Variants in VPS13B observed in about 807,000 individuals in gnomAD.
The protein encoded by VPS13B is vacuolar protein sorting 13 homolog B.
In VPS13B, 285 loss-of-function variants were observed where a neutral mutation model predicts 426.4. The ratio of observed to expected loss-of-function variants is 0.67; its 90% CI spans 0.61 to 0.74. The LOEUF is 0.74. VPS13B is among the 30% of genes least tolerant of loss of function. VPS13B has a pLI of 0.00. For synonymous variants in VPS13B, 1,676 were observed against 1,676.4 expected, an observed-to-expected ratio of 1.00 and a Z score of 0.01; for missense variants, 4,537 against 4,782.6, an observed-to-expected ratio of 0.95 and a Z score of 1.51.
chr8:99,342,358 T>A (rs1159561758), intron 19 of VPS13B, among the ~76,000 whole-genome samples: 1 of 152,228 alleles, frequency 6.6e-6, no homozygotes, highest in Non-Finnish European at 1.5e-5. Flanking sequence ...CTCCTCTCTG[T>A]CTGAAGCTTT....
chr8:99,159,694 C>T (rs757356918), intron 15 of VPS13B, among the ~76,000 whole-genome samples: 1 of 150,732 alleles, frequency 6.6e-6, no homozygotes, highest in Non-Finnish European at 1.5e-5. Flanking sequence ...GAGTCTTACT[C>T]TGTCACCCAG....
At chr8:99,205,341 C>T (rs2132772381) in intron 17 of VPS13B, among the ~76,000 whole-genome samples, 1 of 152,078 alleles carries the variant, frequency 6.6e-6, no homozygotes, top group East Asian at 1.9e-4. Context: ...ACATCACACA[C>T]TGGGGCCTGT....
intron 45 of VPS13B, among the ~76,000 whole-genome samples, chr8:99,818,063 G>C (rs527754985): frequency 6.6e-6 from 1 of 152,124 alleles, no homozygotes. Flanking sequence ...GCTGCCCCAG[G>C]GTTAGGGGTA....
At chr8:99,744,875 A>T (rs1809996164) in intron 39 of VPS13B, among the ~76,000 whole-genome samples, 2 of 152,118 alleles carry the variant, frequency 1.3e-5, no homozygotes, top group Non-Finnish European at 2.9e-5. Flanking sequence ...ATGTTAAATG[A>T]CGAGTTAATG....
At chr8:99,085,231 C>G (rs1330926889) in intron 3 of VPS13B, among the ~76,000 whole-genome samples, 1 of 152,056 alleles carries the variant, frequency 6.6e-6, no homozygotes, top group Admixed American at 6.6e-5. Context: ...CTCTTTTGAT[C>G]TTTGTTGGTT....
chr8:99,341,743 C>T (rs1030310356), intron 19 of VPS13B: 2 of 393,092 alleles, frequency 5.1e-6, no homozygotes, highest in Non-Finnish European at 1.1e-5. Flanking sequence ...TTGTCTTTCC[C>T]ACCAATAACA....
chr8:99,326,097 T>C (rs949324287), intron 19 of VPS13B, among the ~76,000 whole-genome samples: 1 of 152,148 alleles, frequency 6.6e-6, no homozygotes. Context: ...CAATTTCTTA[T>C]TGCATTTCCT....
At chr8:99,312,195 A>G (rs563467825) in intron 19 of VPS13B, among the ~76,000 whole-genome samples, 1 of 152,108 alleles carries the variant, frequency 6.6e-6, no homozygotes. Context: ...TTATGTGTGA[A>G]TTTGATCCTG....
At chr8:99,361,122 A>G (rs1812533787) in intron 19 of VPS13B, among the ~76,000 whole-genome samples, 1 of 152,196 alleles carries the variant, frequency 6.6e-6, no homozygotes, top group African/African-American at 2.4e-5. Flanking sequence ...TGAAGATAAT[A>G]CCTGGCACAT....
Position 99,134,699 on chromosome 8 carries a change from G to C in VPS13B, c.1274G>C (p.Cys425Ser). 1.2e-6 allele frequency: 2 copies of C among 1,610,106 alleles called. No homozygotes were observed. The highest frequency in any genetic ancestry group is 1.7e-6 in the Non-Finnish European group (2 of 1,177,822). The change falls in exon 9 of 62, where the codon TGT becomes TCT. Residue 425 changes from cysteine to serine, a missense_variant. By Grantham distance (112) the Cys-to-Ser change is moderately radical. This residue lies in a region of VPS13B where 4,311 missense variants were observed against 4,474.3 expected (regional missense o/e 0.96). Coordinates refer to ENST00000357162, the MANE Select transcript of VPS13B (RefSeq NM_152564.5). ...AAAGTAAAATCTAAAGAAGTATTGT[G>C]TTGGGAACAAGAAGGAACTACAGTT... is the stretch of plus-strand genomic sequence containing the variant. ...PQKVKSKEVL[C>S]WEQEGTTVEA... is the part of the protein sequence containing the mutation.
Position 99,638,179 on chromosome 8 carries a change from A to C in VPS13B, c.5221-3632A>C, listed in dbSNP as rs186847502. The stretch of plus-strand genomic sequence containing the variant: ...CATACATTTATTCAGTCAGCACACA[A>C]TTATTAAGCTTTATTATGTGATAAG... On this transcript the variant is annotated intron_variant, in intron 33 of 61. Coordinates refer to ENST00000357162, the MANE Select transcript of VPS13B (RefSeq NM_152564.5). Among the ~76,000 whole-genome samples the C allele has an allele frequency of 6.2e-3, 946 of 152,184 alleles. 7 individuals are homozygous for C. The highest frequency in any genetic ancestry group is 0.021 in the African/African-American group (888 of 41,542).
chr8:99,155,648 G>T (rs1588094751), intron 14 of VPS13B, among the ~76,000 whole-genome samples: 2 of 152,088 alleles, frequency 1.3e-5, no homozygotes, highest in South Asian at 4.1e-4. Flanking sequence ...TTGTATTTTC[G>T]ACTTAGTTTT....
At position 99,798,688 on chromosome 8, in the gene VPS13B, C is replaced by T. The variant is rs181636228; in HGVS notation, c.7942-10687C>T. Among the ~76,000 whole-genome samples, 852 of 152,190 alleles carry T rather than the reference C, an allele frequency of 5.6e-3. 3 individuals carry two copies. Among genetic ancestry groups the T allele is most frequent in the Middle Eastern group, 0.01 (3 of 292 alleles). The stretch of plus-strand genomic sequence containing the variant: ...CGGCTAATGGTCTCTCTCTTCCTCC[C>T]CTGGCAATAAATCTCAGATATTGAA... On this transcript the variant is annotated intron_variant, in intron 43 of 61. Transcript: ENST00000357162.
At chr8:99,484,254 A>C (rs1029482266) in intron 25 of VPS13B, among the ~76,000 whole-genome samples, 2 of 152,146 alleles carry the variant, frequency 1.3e-5, no homozygotes, top group Non-Finnish European at 2.9e-5. Flanking sequence ...TTCATTTCAA[A>C]TTAGAAAGTT....
intron 39 of VPS13B, among the ~76,000 whole-genome samples, chr8:99,743,805 C>A (rs1206728530): frequency 6.6e-6 from 1 of 152,214 alleles, no homozygotes. Context: ...CCCTTCCTTA[C>A]ACCTTATACA....
At chr8:99,211,870 G>A (rs1383072278) in intron 17 of VPS13B, among the ~76,000 whole-genome samples, 3 of 152,102 alleles carry the variant, frequency 2.0e-5, no homozygotes, top group African/African-American at 7.2e-5. Flanking sequence ...GCCAATCAAA[G>A]CAATTGTGCA....
At chr8:99,795,818 A>T (rs1812780281) in intron 43 of VPS13B, among the ~76,000 whole-genome samples, 1 of 152,230 alleles carries the variant, frequency 6.6e-6, no homozygotes, top group Admixed American at 6.5e-5. Flanking sequence ...ATGACATAGC[A>T]GCTGCTGTCT....
intron 19 of VPS13B, among the ~76,000 whole-genome samples, chr8:99,381,731 T>G (rs575031673): frequency 1.3e-5 from 2 of 152,308 alleles, no homozygotes; most frequent in African/African-American, 4.8e-5. Context: ...TTCATGTCCT[T>G]TGCCCACTTT....
chr8:99,058,841 A>G (rs1279781858), intron 3 of VPS13B, among the ~76,000 whole-genome samples: 2 of 152,146 alleles, frequency 1.3e-5, no homozygotes, highest in African/African-American at 4.8e-5. Flanking sequence ...TTACTTTAGG[A>G]TGATTGGTGT....
Sources: gnomAD v4.1 joint callset for allele counts (sites outside exome capture counted in the v4.1 genomes callset) on GRCh38, gnomAD v4.1.1 for gene constraint, gnomAD v4.1.1 regional missense constraint, MANE v1.5 for transcripts, NCBI Gene and HGNC (gene_info 2026-07-23, HGNC 2026-07-21) for gene names.